Variants in SPECC1 observed in about 807,000 individuals in gnomAD.
The protein encoded by SPECC1 is sperm antigen with calponin homology and coiled-coil domains 1, also known as cytospin-B.
Under a neutral mutation model 104.1 loss-of-function variants are expected in SPECC1, and 62 were observed. The ratio of observed to expected loss-of-function variants is 0.60; its 90% CI spans 0.49 to 0.74. SPECC1 has a LOEUF of 0.74. SPECC1 is among the 30% of genes least tolerant of loss of function. The probability of loss-of-function intolerance (pLI) is 0.00; values close to 1 mark genes in which losing one functional copy is unlikely to be tolerated. For synonymous variants in SPECC1, 513 were observed against 501.6 expected (o/e 1.02, Z -0.30); for missense variants, 1,306 against 1,310.5 (o/e 1.00, Z 0.05).
At chr17:20,265,244 C>T (rs529263922) in intron 12 of SPECC1, among the ~76,000 whole-genome samples, 1 of 152,304 alleles carries the variant, frequency 6.6e-6, no homozygotes, top group Admixed American at 6.5e-5. Flanking sequence ...ATAAGCATTT[C>T]TTTTTCTCCA....
At chr17:20,131,113 A>G (rs2049598306) in intron 3 of SPECC1, among the ~76,000 whole-genome samples, 1 of 152,096 alleles carries the variant, frequency 6.6e-6, no homozygotes, top group South Asian at 2.1e-4. Context: ...TAGTTCTAGG[A>G]GGATTTTTTG....
intron 4 of SPECC1, among the ~76,000 whole-genome samples, chr17:20,215,628 C>T (rs1458346863): frequency 6.6e-6 from 1 of 152,194 alleles, no homozygotes; most frequent in African/African-American, 2.4e-5. Context: ...AATGATTTCT[C>T]ATAGCCAGGG....
At chr17:20,180,487 G>T (rs2034801116) in intron 3 of SPECC1, among the ~76,000 whole-genome samples, 1 of 152,202 alleles carries the variant, frequency 6.6e-6, no homozygotes, top group African/African-American at 2.4e-5. Flanking sequence ...AAAGAATTTG[G>T]TAAGAAACAT....
chr17:20,014,049 A>C (rs1031468256), intron 1 of SPECC1, among the ~76,000 whole-genome samples: 9 of 152,124 alleles, frequency 5.9e-5, no homozygotes, highest in South Asian at 4.2e-4. Flanking sequence ...ACTAGCAAAC[A>C]GTTTTCAGTA....
chr17:20,061,642 T>G (rs1458408277), intron 1 of SPECC1, among the ~76,000 whole-genome samples: 1 of 152,234 alleles, frequency 6.6e-6, no homozygotes, highest in Non-Finnish European at 1.5e-5. Context: ...ATGAGGAAAT[T>G]GATTTCTTGA....
Position 20,205,021 on chromosome 17 carries a change from G to A in SPECC1, c.972G>A (p.Leu324=). The change falls in exon 4 of 15, where the codon TTG becomes TTA. Residue 324 remains leucine (L), a synonymous_variant. Coordinates refer to ENST00000395527, the MANE Select transcript of SPECC1 (RefSeq NM_001243439.2). ...SSSSDVTKAS[L]SPDASDFEHI... Reference sequence around the variant, plus strand: ...GTAGCGATGTTACCAAAGCTTCTTTGTCGCCAGATGCTTCCGACTTTGAGC... The same window carrying A: ...GTAGCGATGTTACCAAAGCTTCTTTATCGCCAGATGCTTCCGACTTTGAGC... 6.2e-7 allele frequency: 1 copy of A among 1,614,140 alleles called. No homozygotes were observed. Among genetic ancestry groups the A allele is most frequent in the Non-Finnish European group, 8.5e-7 (1 of 1,180,018 alleles).
At chr17:20,228,129 T>A (rs2038343682) in intron 5 of SPECC1, among the ~76,000 whole-genome samples, 1 of 152,210 alleles carries the variant, frequency 6.6e-6, no homozygotes. Flanking sequence ...AAAACTGGGA[T>A]GACAGAAGAA....
chr17:20,184,237 A>G (rs185642247), intron 3 of SPECC1, among the ~76,000 whole-genome samples: 1 of 151,950 alleles, frequency 6.6e-6, no homozygotes, highest in East Asian at 1.9e-4. Context: ...TAAAAAGGAC[A>G]AGTGAGAGCT....
At chr17:20,150,611 C>A (rs2031919509) in intron 3 of SPECC1, among the ~76,000 whole-genome samples, 1 of 151,252 alleles carries the variant, frequency 6.6e-6, no homozygotes, top group Admixed American at 6.6e-5. Context: ...TGCACTCCAA[C>A]CTGGGCAACG....
chr17:20,318,594 C>T lies in SPECC1; in HGVS notation c.*4529C>T, dbSNP rs552988282. ...GGGCAGCTTGTGGAGATGGAGGACTCGGGCCCATAGATGCAGACCCCCTAC... is the reference window on the plus strand; with the variant it reads ...GGGCAGCTTGTGGAGATGGAGGACTTGGGCCCATAGATGCAGACCCCCTAC... On this transcript the variant is annotated 3_prime_UTR_variant, in exon 15 of 15. Transcript: ENST00000395527. 9 of 229,186 alleles carry T rather than the reference C, an allele frequency of 3.9e-5. No individual in the cohort carries two copies. The South Asian group carries it at 5.5e-4, about 14-fold the overall frequency. The allele number at this position is 229,186 out of a possible 1,614,324, so 14.2% of individuals were successfully genotyped here.
At chr17:20,015,176 C>G (rs1221372827) in intron 1 of SPECC1, among the ~76,000 whole-genome samples, 2 of 152,138 alleles carry the variant, frequency 1.3e-5, no homozygotes, top group East Asian at 3.8e-4. Context: ...GTTTCCTTGC[C>G]TCTATTCTAT....
At chr17:20,113,052 C>T (rs868010414) in intron 3 of SPECC1, 21 of 752,684 alleles carry the variant, frequency 2.8e-5, no homozygotes, top group Middle Eastern at 7.6e-4. Context: ...ACTTTTCTTT[C>T]TCCACCCGCT....
Position 20,227,543 on chromosome 17 carries a change from TA to T in SPECC1, c.1995del (p.Phe666LeufsTer24). The T allele has an allele frequency of 6.2e-7, 1 of 1,612,552 alleles. No homozygotes were observed. Among genetic ancestry groups the T allele is most frequent in the Non-Finnish European group, 8.5e-7 (1 of 1,179,612 alleles). The stretch of plus-strand genomic sequence containing the variant: ...GAGATCAAAGACATGAAAGAAACCA[TA>T]TTTGAATTGGAAGATCAGGTGGAAC... ...DAEIKDMKET[I>X]FELEDQVEQH... On this transcript the variant is annotated frameshift_variant, in exon 5 of 15. Coordinates refer to ENST00000395527, the MANE Select transcript of SPECC1 (RefSeq NM_001243439.2). LOFTEE classifies it high-confidence loss of function.
chr17:20,183,939 G>A (rs903322404), intron 3 of SPECC1, among the ~76,000 whole-genome samples: 4 of 151,836 alleles, frequency 2.6e-5, no homozygotes, highest in Non-Finnish European at 5.9e-5. Flanking sequence ...GGGAGGCCGA[G>A]GCAGGCGGAT....
At chr17:20,079,725 G>A (rs748671352) in intron 1 of SPECC1, among the ~76,000 whole-genome samples, 6 of 152,128 alleles carry the variant, frequency 3.9e-5, no homozygotes, top group African/African-American at 9.7e-5. Flanking sequence ...AAAAGAGAAC[G>A]TGCCAGCCTC....
intron 4 of SPECC1, 77 bp downstream of exon 4, chr17:20,205,989 G>A: frequency 2.0e-6 from 3 of 1,503,662 alleles, no homozygotes; most frequent in East Asian, 2.3e-5. Flanking sequence ...AATTCACAGA[G>A]CACAGAGAAG....
At chr17:20,248,556 CTG>C in intron 9 of SPECC1, among the ~76,000 whole-genome samples, 1 of 152,198 alleles carries the variant, frequency 6.6e-6, no homozygotes, top group South Asian at 2.1e-4. Context: ...AATTTTGACA[CTG>C]TCTATAATTT....
chr17:20,119,314 C>T (rs1403104089), intron 3 of SPECC1, among the ~76,000 whole-genome samples: 1 of 152,186 alleles, frequency 6.6e-6, no homozygotes, highest in Non-Finnish European at 1.5e-5. Context: ...CGCTCCACAA[C>T]CTCCGCCTCC....
chr17:20,159,794 T>A (rs1278809932), intron 3 of SPECC1, among the ~76,000 whole-genome samples: 3 of 152,168 alleles, frequency 2.0e-5, no homozygotes, highest in Non-Finnish European at 2.9e-5. Context: ...TCCTAAAAGG[T>A]CCTAGTTAAC....
Sources: gnomAD v4.1 joint callset for allele counts (sites outside exome capture counted in the v4.1 genomes callset) on GRCh38, gnomAD v4.1.1 for gene constraint, MANE v1.5 for transcripts, NCBI Gene and HGNC (gene_info 2026-07-23, HGNC 2026-07-21) for gene names.